RIMS3: variants seen among roughly 807,000 people sequenced by gnomAD.
RIMS3 encodes the protein regulating synaptic membrane exocytosis 3.
Under a neutral mutation model 29.2 loss-of-function variants are expected in RIMS3, and 15 were observed. The ratio of observed to expected loss-of-function variants is 0.51; its 90% CI spans 0.34 to 0.79. RIMS3 has a LOEUF of 0.79. RIMS3 is among the 30% of genes least tolerant of loss of function. RIMS3 has a pLI of 0.01. For missense variants in RIMS3, 342 were observed against 421.4 expected (o/e 0.81, Z 1.65); for synonymous variants, 161 against 170.1 (o/e 0.95, Z 0.41).
chr1:40,623,563 T>A lies in RIMS3; in HGVS notation c.*2954A>T. 1 of 398,662 alleles carries A rather than the reference T, an allele frequency of 2.5e-6. No homozygotes were observed. Among genetic ancestry groups the A allele is most frequent in the Non-Finnish European group, 4.4e-6 (1 of 226,142 alleles). The allele number at this position is 398,662 out of a possible 1,614,324, so 24.7% of individuals were successfully genotyped here. A position where few individuals can be genotyped will look rare whatever the true frequency, so the allele number is the denominator to read the frequency against. On this transcript the variant is annotated 3_prime_UTR_variant, in exon 8 of 8. Coordinates refer to ENST00000372684, the MANE Select transcript of RIMS3 (RefSeq NM_014747.3). ...CCATTCCTGTAACCACTGCAGGGTT[T>A]CATCTGGGCAAGGGGGCATTTGGAG... is the stretch of plus-strand genomic sequence containing the variant.
At chr1:40,655,858 CA>C (rs1342026686) in intron 1 of RIMS3, among the ~76,000 whole-genome samples, 11 of 152,154 alleles carry the variant, frequency 7.2e-5, no homozygotes, top group African/African-American at 2.4e-4. Flanking sequence ...ACTAAAAATA[CA>C]AAAATTAGCC....
chr1:40,685,083 A>T, the RIMS3 span, among the ~76,000 whole-genome samples: 1 of 151,740 alleles, frequency 6.6e-6, no homozygotes, highest in Non-Finnish European at 1.5e-5. Flanking sequence ...GGCTATGAGG[A>T]GGTACTGGGC....
intron 1 of RIMS3, among the ~76,000 whole-genome samples, chr1:40,663,082 A>T (rs1454774566): frequency 6.6e-6 from 1 of 152,134 alleles, no homozygotes; most frequent in Non-Finnish European, 1.5e-5. Context: ...GTGATATACC[A>T]GTGTAGGAGA....
At chr1:40,684,385 A>G in the RIMS3 span, among the ~76,000 whole-genome samples, 1 of 152,154 alleles carries the variant, frequency 6.6e-6, no homozygotes, top group South Asian at 2.1e-4. Flanking sequence ...ATAGCTCAAG[A>G]TCTCCAGAAG....
intron 1 of RIMS3, among the ~76,000 whole-genome samples, chr1:40,662,025 G>A (rs1260529257): frequency 6.6e-6 from 1 of 152,200 alleles, no homozygotes; most frequent in East Asian, 1.9e-4. Flanking sequence ...CAGGGAAAAG[G>A]GTAGGAGAGG....
chr1:40,630,253 C>T (rs1472240773), intron 5 of RIMS3, among the ~76,000 whole-genome samples: 1 of 152,132 alleles, frequency 6.6e-6, no homozygotes, highest in Non-Finnish European at 1.5e-5. Context: ...GAAATCTTCA[C>T]TGTACTCCCA....
In RIMS3 at chr1:40,635,508, C is replaced by G. The variant is rs1400182983; in HGVS notation, c.359+408G>C. 2.6e-5 allele frequency among the ~76,000 whole-genome samples: 4 copies of G among 152,204 alleles called. No individual in the cohort carries two copies. The highest frequency in any genetic ancestry group is 1.3e-4 in the Admixed American group (2 of 15,282). ...CACTGATCTAGTCCAATCTCCTTCC[C>G]TCAGCTCTAAGCAAGCCTCCTTGAG... On this transcript the variant is annotated intron_variant, in intron 4 of 7. Coordinates refer to ENST00000372684, the MANE Select transcript of RIMS3 (RefSeq NM_014747.3). The surrounding 1 kb of genome is among the most constrained non-coding windows in gnomAD (Gnocchi z 4.1).
chr1:40,692,021 G>A, the RIMS3 span: 1 of 210,920 alleles, frequency 4.7e-6, no homozygotes, highest in Non-Finnish European at 1.0e-5. Context: ...TTGTGCTCTT[G>A]CCTGGCCCGC....
chr1:40,660,865 G>C (rs578082862), intron 1 of RIMS3, among the ~76,000 whole-genome samples: 2 of 152,204 alleles, frequency 1.3e-5, no homozygotes, highest in South Asian at 4.1e-4. Context: ...CTCTGAGCTT[G>C]GCAAATCAGG....
chr1:40,665,963 TC>T (rs1642420608), upstream of RIMS3, among the ~76,000 whole-genome samples: 1 of 152,076 alleles, frequency 6.6e-6, no homozygotes, highest in African/African-American at 2.4e-5. Flanking sequence ...TTCTCATCCT[TC>T]CTTTTCTTTG....
chr1:40,633,030 C>T, intron 5 of RIMS3, 39 bp downstream of exon 5: 6 of 1,531,154 alleles, frequency 3.9e-6, no homozygotes, highest in Non-Finnish European at 5.4e-6. Context: ...GTCGCATGGT[C>T]ACCATTACCC....
chr1:40,649,021 CAGGG>C lies in RIMS3; in HGVS notation c.-206-1183_-206-1180del, dbSNP rs1467135913. The stretch of plus-strand genomic sequence containing the variant: ...GGCTCTAGTCTCTCCTGTCCCCACT[CAGGG>C]AGAGGTGGGCGGGTGATGAGTTGGT... On this transcript the variant is annotated intron_variant, in intron 1 of 7. Coordinates refer to ENST00000372684, the MANE Select transcript of RIMS3 (RefSeq NM_014747.3). Among the ~76,000 whole-genome samples the C allele has an allele frequency of 1.3e-4, 20 of 152,328 alleles. No homozygotes were observed. The East Asian group carries it at 3.9e-3, about 29-fold the overall frequency.
chr1:40,623,288 G>A lies in RIMS3; in HGVS notation c.*3229C>T, dbSNP rs1481516786. The A allele has an allele frequency of 2.5e-6, 1 of 397,766 alleles. No individual in the cohort carries two copies. 24.6% of individuals were successfully genotyped at this position (397,766 alleles called of 1,614,324 possible). A position where few individuals can be genotyped will look rare whatever the true frequency, so the allele number is the denominator to read the frequency against. On this transcript the variant is annotated 3_prime_UTR_variant, in exon 8 of 8. Coordinates refer to ENST00000372684, the MANE Select transcript of RIMS3 (RefSeq NM_014747.3). Reference sequence around the variant, plus strand: ...AGATGATTCTTCCCTGAAGGATCAAGTTCCCCTTGTCAAACCAAGACTTGG... The same window carrying A: ...AGATGATTCTTCCCTGAAGGATCAAATTCCCCTTGTCAAACCAAGACTTGG...
the RIMS3 span, chr1:40,681,487 A>C: frequency 2.0e-5 from 3 of 152,178 alleles, no homozygotes; most frequent in Non-Finnish European, 4.4e-5. Context: ...GTTCAATACC[A>C]GTCCTACCAT....
rs938893879 is a variant in RIMS3, at chr1:40,636,598, C to T, written c.218-541G>A. Among the ~76,000 whole-genome samples, 2 of 152,194 alleles carry T rather than the reference C, an allele frequency of 1.3e-5. No individual in the cohort carries two copies. Among genetic ancestry groups the T allele is most frequent in the East Asian group, 3.9e-4 (2 of 5,194 alleles). ...GGAAGCCTGGCCACTCTCAAACAAA[C>T]CCACCTTCTCTAGGTGGGGCTGAAC... On this transcript the variant is annotated intron_variant, in intron 3 of 7. Transcript: ENST00000372684. This position sits in a 1 kb window ranked among gnomAD's most constrained non-coding sequence, Gnocchi z 4.2.
At chr1:40,685,297 TATATATATTA>T in the RIMS3 span, among the ~76,000 whole-genome samples, 2 of 18,080 alleles carry the variant, frequency 1.1e-4, no homozygotes, top group Admixed American at 7.7e-4. Flanking sequence ...ATATATATAT[TATATATATTA>T]ATATATATAA....
At chr1:40,664,754 C>T (rs150222389) in intron 1 of RIMS3, among the ~76,000 whole-genome samples, 3 of 152,188 alleles carry the variant, frequency 2.0e-5, no homozygotes, top group South Asian at 2.1e-4. Flanking sequence ...GGTACCCAGG[C>T]GGCCAGTCAG....
chr1:40,677,016 T>C, the RIMS3 span, among the ~76,000 whole-genome samples: 4 of 138,774 alleles, frequency 2.9e-5, no homozygotes, highest in Non-Finnish European at 4.7e-5. Flanking sequence ...TTTTTTTTTT[T>C]GAGATAGAGT....
the RIMS3 span, among the ~76,000 whole-genome samples, chr1:40,679,088 A>G: frequency 8.7e-4 from 132 of 152,358 alleles, no homozygotes; most frequent in African/African-American, 2.3e-3. Context: ...TTTTGCAATT[A>G]TGCTAACAGA....
Sources: allele counts gnomAD v4.1 joint callset (sites outside exome capture counted in the v4.1 genomes callset), GRCh38; gene constraint gnomAD v4.1.1; non-coding constraint Gnocchi (gnomAD v3.1); transcripts MANE v1.5; gene names NCBI Gene and HGNC (gene_info 2026-07-23, HGNC 2026-07-21).